GIGYF1: variants seen among roughly 807,000 people sequenced by gnomAD.
GIGYF1 encodes the protein GRB10-interacting GYF protein 1.
A neutral mutation model predicts 147.1 loss-of-function variants in GIGYF1; 84 were observed. That is an observed-to-expected ratio of 0.57 (90% CI 0.48 to 0.68). GIGYF1 has a LOEUF of 0.68. Ranked by LOEUF, GIGYF1 falls within the 30% of genes least tolerant of loss-of-function variation. GIGYF1 has a pLI of 0.00. For synonymous variants in GIGYF1, 752 were observed against 589.5 expected (o/e 1.28, Z -3.99); for missense variants, 1,485 against 1,393.7 (o/e 1.07, Z -1.04).
At position 100,686,401 on chromosome 7, in the gene GIGYF1, G is replaced by C; in HGVS notation, c.727C>G (p.His243Asp). 6.2e-7 allele frequency: 1 copy of C among 1,608,286 alleles called. No homozygotes were observed. Residue 243 changes from histidine to aspartate, a missense_variant, in exon 11 of 27, where the codon CAT becomes GAT. Transcript: ENST00000678049. Reference protein sequence around the residue: ...GGPRSAGWREHGERRRKFEFD... With the variant: ...GGPRSAGWREDGERRRKFEFD... Reference sequence around the variant, plus strand: ...TCAAACTTGCGCCGCCGTTCCCCATGTTCCCGCCAGCCAGCAGAGCGGGGA... The same window carrying C: ...TCAAACTTGCGCCGCCGTTCCCCATCTTCCCGCCAGCCAGCAGAGCGGGGA...
chr7:100,685,952 C>T (rs372817427), intron 12 of GIGYF1, 22 bp downstream of exon 12: 154 of 1,601,788 alleles, frequency 9.6e-5, no homozygotes, highest in Middle Eastern at 2.1e-4. Flanking sequence ...GCCCCAGGCC[C>T]GCTGGGCACC....
chr7:100,688,412 G>A, intron 3 of GIGYF1, 39 bp downstream of exon 3: 2 of 713,900 alleles, frequency 2.8e-6, no homozygotes, highest in Non-Finnish European at 5.0e-6. Flanking sequence ...ATGGGCCCCG[G>A]ACTAGCTGGT....
chr7:100,686,451 GGGA>G lies in GIGYF1; in HGVS notation c.695-21_695-19del, dbSNP rs1288153597. Reference sequence around the variant, plus strand: ...ACCACCATCTGCACAGGAAAAGTCAGGGAGAAGAAGAGTGGGTACCCAAGCGAA... The same window carrying G: ...ACCACCATCTGCACAGGAAAAGTCAGGAAGAAGAGTGGGTACCCAAGCGAA... On this transcript the variant is annotated intron_variant, in intron 10 of 26. Transcript: ENST00000678049. 2 of 1,567,136 alleles carry G rather than the reference GGGA, an allele frequency of 1.3e-6. No individual in the cohort carries two copies. The highest frequency in any genetic ancestry group is 2.4e-5 in the South Asian group (2 of 83,982).
Position 100,681,538 on chromosome 7 carries a change from CA to C in GIGYF1, c.*180del, listed in dbSNP as rs1562866402. Reference sequence around the variant, plus strand: ...AAATAAAAAGAAAAACCCCCTCCCCCAGTCTGTAAAGTGCCTCGTGGTGGGT... The same window carrying C: ...AAATAAAAAGAAAAACCCCCTCCCCCGTCTGTAAAGTGCCTCGTGGTGGGT... On this transcript the variant is annotated 3_prime_UTR_variant, in exon 27 of 27. Transcript: ENST00000678049. 2 of 439,088 alleles carry C rather than the reference CA, an allele frequency of 4.6e-6. No individual in the cohort carries two copies. Among genetic ancestry groups the C allele is most frequent in the Non-Finnish European group, 7.9e-6 (2 of 252,472 alleles). The allele number at this position is 439,088 out of a possible 1,614,324, so 27.2% of individuals were successfully genotyped here.
At chr7:100,688,544 G>C (rs1442091694) in intron 2 of GIGYF1, 29 bp from the exon 3 acceptor site, 1 of 622,370 alleles carries the variant, frequency 1.6e-6, no homozygotes, top group South Asian at 1.5e-5. Context: ...TGGGAAGCTC[G>C]AGTCCTTTCG....
rs750676053 is a variant in GIGYF1 at position 100,686,765 on chromosome 7, G to A, written c.578C>T (p.Ser193Leu). The A allele has an allele frequency of 3.1e-6, 5 of 1,614,054 alleles. No homozygotes were observed. The highest frequency in any genetic ancestry group is 1.1e-5 in the South Asian group (1 of 91,088). The change falls in exon 10 of 27, where the codon TCA (serine) becomes TTA (leucine). Residue 193 changes from serine to leucine, a missense_variant. Coordinates refer to ENST00000678049, the MANE Select transcript of GIGYF1 (RefSeq NM_001375765.1). ...GAGPRKEHARSDSENWRSLRE... is the reference protein window; with the variant it reads ...GAGPRKEHARLDSENWRSLRE... ...TAGGGAGCGCCAGTTCTCGCTGTCT[G>A]AGCGGGCGTGCTCCTTCCTTGGGCC...
Position 100,682,470 on chromosome 7 carries a change from G to A in GIGYF1, c.2613C>T (p.Ser871=). ...RSSPSLSDSY[S]HLSGRPIRKK... is the part of the protein sequence containing the mutation. ...TGCGAATGGGCCGACCCGATAGGTG[G>A]CTGTATGAGTCACTGAAGGGGGAGG... is the stretch of plus-strand genomic sequence containing the variant. The change falls in exon 24 of 27, where the codon AGC becomes AGT. Residue 871 remains serine, a synonymous_variant. Coordinates refer to ENST00000678049, the MANE Select transcript of GIGYF1 (RefSeq NM_001375765.1). 1.9e-6 allele frequency: 3 copies of A among 1,612,348 alleles called. No homozygotes were observed. Among genetic ancestry groups the A allele is most frequent in the Non-Finnish European group, 2.5e-6 (3 of 1,179,964 alleles).
In GIGYF1 at chr7:100,686,663, CGCCAGCGGTCGCCGTCTCGCCGGG is replaced by C; in HGVS notation, c.656_679del (p.Pro219_Trp226del). 1 of 1,611,644 alleles carries C rather than the reference CGCCAGCGGTCGCCGTCTCGCCGGG, an allele frequency of 6.2e-7. No individual in the cohort carries two copies. Among genetic ancestry groups the C allele is most frequent in the Non-Finnish European group, 8.5e-7 (1 of 1,179,366 alleles). ...CCCAATCTCACCAGGGCTGGCGGAG[CGCCAGCGGTCGCCGTCTCGCCGGG>C]GCCCTGCTCCGAGCCTCCAGCTGCC... On this transcript the variant is annotated inframe_deletion, in exon 10 of 27. Coordinates refer to ENST00000678049, the MANE Select transcript of GIGYF1 (RefSeq NM_001375765.1).
intron 12 of GIGYF1, 107 bp downstream of exon 12, chr7:100,685,867 A>T: frequency 1.1e-6 from 1 of 871,168 alleles, no homozygotes; most frequent in Non-Finnish European, 1.8e-6. Flanking sequence ...TTCCAGATCT[A>T]AGTAGCCTGA....
Position 100,686,264 on chromosome 7 carries a change from C to G in GIGYF1, c.864G>C (p.Lys288Asn). ...CRAPEGFEED[K>N]DGLPEWCLDD... Reference sequence around the variant, plus strand: ...CCAGGCACCACTCTGGGAGCCCATCCTTGTCCTCCTCAAAGCCTTCAGGCG... The same window carrying G: ...CCAGGCACCACTCTGGGAGCCCATCGTTGTCCTCCTCAAAGCCTTCAGGCG... Residue 288 changes from lysine to asparagine, a missense_variant, in exon 11 of 27, where the codon AAG becomes AAC. Coordinates refer to ENST00000678049, the MANE Select transcript of GIGYF1 (RefSeq NM_001375765.1). The G allele has an allele frequency of 6.2e-7, 1 of 1,614,112 alleles. No individual in the cohort carries two copies. The highest frequency in any genetic ancestry group is 8.5e-7 in the Non-Finnish European group (1 of 1,179,998).
intron 8 of GIGYF1, 21 bp from the exon 9 acceptor site, chr7:100,687,067 G>T (rs760599365): frequency 1.5e-5 from 24 of 1,613,630 alleles, no homozygotes; most frequent in Non-Finnish European, 2.0e-5. Flanking sequence ...GGAAACGTGT[G>T]GGTCAGAAAC....
intron 22 of GIGYF1, 45 bp downstream of exon 22, chr7:100,682,967 C>T: frequency 2.1e-6 from 3 of 1,422,980 alleles, no homozygotes; most frequent in South Asian, 1.4e-5. Flanking sequence ...CCTGTGCCAC[C>T]CTGGAAACTG....
intron 8 of GIGYF1, 118 bp from the exon 9 acceptor site, chr7:100,687,164 G>A (rs995525655): frequency 1.5e-5 from 22 of 1,490,722 alleles, no homozygotes; most frequent in Non-Finnish European, 1.9e-5. Flanking sequence ...GGGGACAAAC[G>A]AAACCAGGGG....
In GIGYF1 at chr7:100,686,765, G is replaced by C. The variant is rs750676053; in HGVS notation, c.578C>G (p.Ser193Ter). Residue 193 changes from serine (S) to a stop codon, truncating the protein, a stop_gained, in exon 10 of 27, where the codon TCA becomes TGA. Transcript: ENST00000678049. LOFTEE classifies it high-confidence loss of function. ...GAGPRKEHAR[S>*]DSENWRSLRE... Reference sequence around the variant, plus strand: ...TAGGGAGCGCCAGTTCTCGCTGTCTGAGCGGGCGTGCTCCTTCCTTGGGCC... The same window carrying C: ...TAGGGAGCGCCAGTTCTCGCTGTCTCAGCGGGCGTGCTCCTTCCTTGGGCC... 1.2e-6 allele frequency: 2 copies of C among 1,613,936 alleles called. No homozygotes were observed. The highest frequency in any genetic ancestry group is 1.3e-5 in the African/African-American group (1 of 74,932).
rs374892916 is a variant in GIGYF1 at position 100,687,779 on chromosome 7, C to G, written c.261+9G>C. ...GCTCCCGCAGCCTCAGCTCCTGGCC[C>G]GGTCCCACCTGTTCCTCCTCAGTCA... On this transcript the variant is annotated intron_variant, in intron 6 of 26. Transcript: ENST00000678049. The G allele has an allele frequency of 2.5e-6, 4 of 1,611,366 alleles. No individual in the cohort carries two copies. The highest frequency in any genetic ancestry group is 2.0e-4 in the Middle Eastern group (1 of 5,056).
chr7:100,687,378 GT>G lies in GIGYF1; in HGVS notation c.401del (p.Tyr134SerfsTer211). On this transcript the variant is annotated frameshift_variant, in exon 8 of 27. Transcript: ENST00000678049. LOFTEE classifies it high-confidence loss of function. ...CATCGCCTTCTTCGATGCTTCTTTG[GT>G]AAAAGCAGCTGTCACCACGGCCGCG... is the stretch of plus-strand genomic sequence containing the variant. ...RGRGRGDSCF[Y>X]QRSIEEGDGA... 6.2e-7 allele frequency: 1 copy of G among 1,613,450 alleles called. No individual in the cohort carries two copies. The highest frequency in any genetic ancestry group is 8.5e-7 in the Non-Finnish European group (1 of 1,179,968).
chr7:100,683,983 C>G lies in GIGYF1; in HGVS notation c.1868+37G>C, dbSNP rs375979756. Reference sequence around the variant, plus strand: ...TCTCTGGTCTGCCCCCATCCCCCCCCCACCCTGTATCCTGAGGGCTCGCAC... The same window carrying G: ...TCTCTGGTCTGCCCCCATCCCCCCCGCACCCTGTATCCTGAGGGCTCGCAC... On this transcript the variant is annotated intron_variant, in intron 18 of 26. Coordinates refer to ENST00000678049, the MANE Select transcript of GIGYF1 (RefSeq NM_001375765.1). 49 of 1,585,862 alleles carry G rather than the reference C, an allele frequency of 3.1e-5. 1 individual carries two copies. In the South Asian group the frequency reaches 4.1e-4, roughly 13 times the overall value.
rs1314082363 is a variant in GIGYF1 at position 100,687,045 on chromosome 7, C to T, written c.484G>A (p.Gly162Ser). 1.2e-6 allele frequency: 2 copies of T among 1,613,912 alleles called. No individual in the cohort carries two copies. Among genetic ancestry groups the T allele is most frequent in the East Asian group, 2.2e-5 (1 of 44,882 alleles). ...GCTGACTTCTCAAACCGCCTCTCGC[C>T]TCTGCAGCAGGGGAAACGTGTGGGT... ...IQRSQSWDDR[G>S]ERRFEKSARR... is the part of the protein sequence containing the mutation. The change falls in exon 9 of 27, where the codon GGC (glycine) becomes AGC (serine). Residue 162 changes from glycine (G) to serine (S), a missense_variant and splice_region_variant. By Grantham distance (56) the Gly-to-Ser change is moderately conservative. Transcript: ENST00000678049.
intron 15 of GIGYF1, 38 bp downstream of exon 15, chr7:100,684,685 G>C (rs201431920): frequency 1.2e-6 from 2 of 1,611,470 alleles, no homozygotes; most frequent in South Asian, 1.1e-5. Context: ...CCCTGAACCA[G>C]AACGGCCTTG....
Sources: allele counts gnomAD v4.1 joint callset, GRCh38; gene constraint gnomAD v4.1.1; transcripts MANE v1.5; gene names NCBI Gene and HGNC (gene_info 2026-07-23, HGNC 2026-07-21).